WWOX: variants seen among roughly 807,000 people sequenced by gnomAD.
WWOX encodes the protein WW domain-containing oxidoreductase.
WWOX carries 69 observed loss-of-function variants against 46.2 expected under a neutral mutation model. That is an observed-to-expected ratio of 1.49 (90% confidence interval 1.23 to 1.82). The LOEUF (loss-of-function observed/expected upper bound fraction) is 1.82, where lower values mean the gene tolerates loss of function less well. Ranked by LOEUF, WWOX falls within the 40% of genes most tolerant of loss-of-function variation. The probability of loss-of-function intolerance (pLI) is 0.00; values close to 1 mark genes in which losing one functional copy is unlikely to be tolerated. For missense variants in WWOX, 919 were observed against 542.6 expected (o/e 1.69, Z -6.89); for synonymous variants, 359 against 202.6 (o/e 1.77, Z -6.56).
intron 8 of WWOX, among the ~76,000 whole-genome samples, chr16:78,658,573 TCTC>T (rs779711990): frequency 6.6e-6 from 1 of 152,176 alleles, no homozygotes; most frequent in Non-Finnish European, 1.5e-5. Flanking sequence ...GCTCCGTGCC[TCTC>T]CTCCAGCCTC....
chr16:78,183,329 C>G (rs1250206550), intron 5 of WWOX, among the ~76,000 whole-genome samples: 1 of 152,138 alleles, frequency 6.6e-6, no homozygotes, highest in East Asian at 1.9e-4. Context: ...AATATTCGGG[C>G]AAGAGCAGAT....
At chr16:78,488,761 C>G (rs1467389149) in intron 8 of WWOX, among the ~76,000 whole-genome samples, 1 of 152,154 alleles carries the variant, frequency 6.6e-6, no homozygotes, top group Non-Finnish European at 1.5e-5. Flanking sequence ...CTGACTTCAC[C>G]TTTCTGAGTC....
At chr16:78,904,370 C>G (rs2044907384) in intron 8 of WWOX, among the ~76,000 whole-genome samples, 1 of 151,136 alleles carries the variant, frequency 6.6e-6, no homozygotes, top group South Asian at 2.1e-4. Context: ...TCCTGAGTAG[C>G]TGGGACAAGA....
chr16:78,504,836 C>G (rs2085153412), intron 8 of WWOX, among the ~76,000 whole-genome samples: 2 of 152,062 alleles, frequency 1.3e-5, no homozygotes, highest in Non-Finnish European at 2.9e-5. Flanking sequence ...TAGGCAACAG[C>G]TGGATTATTT....
chr16:79,009,536 C>T (rs571359517), intron 8 of WWOX, among the ~76,000 whole-genome samples: 67 of 151,930 alleles, frequency 4.4e-4, no homozygotes, highest in Non-Finnish European at 6.9e-4. Context: ...GGTGCGATCT[C>T]GGCTCACAGT....
At chr16:78,620,385 G>C (rs189413383) in intron 8 of WWOX, among the ~76,000 whole-genome samples, 1 of 152,324 alleles carries the variant, frequency 6.6e-6, no homozygotes, top group Non-Finnish European at 1.5e-5. Context: ...TCCTCCAACA[G>C]ACTCGTGTAG....
chr16:79,193,662 G>A (rs2150813651), intron 8 of WWOX, among the ~76,000 whole-genome samples: 1 of 152,268 alleles, frequency 6.6e-6, no homozygotes. Context: ...CTTACTGCCG[G>A]TCACCTAGCC....
At chr16:78,296,968 T>G (rs2079952791) in intron 5 of WWOX, among the ~76,000 whole-genome samples, 1 of 152,210 alleles carries the variant, frequency 6.6e-6, no homozygotes, top group African/African-American at 2.4e-5. Flanking sequence ...AGAAATCTTT[T>G]GCTTATTTGC....
intron 8 of WWOX, among the ~76,000 whole-genome samples, chr16:78,770,344 C>G (rs2050033706): frequency 6.9e-6 from 1 of 145,446 alleles, no homozygotes; most frequent in African/African-American, 2.5e-5. Context: ...GAGTGAGACT[C>G]TGTCTCAAAC....
rs1342197786 is a variant in WWOX, at chr16:79,055,934, A to T, written c.1057-155674A>T. ...GAAGAGGGAAGGTCTCCCAGATGTA[A>T]ATTTCTCATAAATATTTGAGCTCCA... On this transcript the variant is annotated intron_variant, in intron 8 of 8. Transcript: ENST00000566780. 2.0e-5 allele frequency among the ~76,000 whole-genome samples: 3 copies of T among 152,168 alleles called. No homozygotes were observed. The East Asian group carries it at 5.8e-4, about 29-fold the overall frequency.
intron 5 of WWOX, among the ~76,000 whole-genome samples, chr16:78,351,296 T>A (rs1228674329): frequency 2.0e-5 from 3 of 152,236 alleles, no homozygotes; most frequent in African/African-American, 7.2e-5. Flanking sequence ...TAAATCCCTT[T>A]ACTTTTTTGT....
chr16:79,115,593 C>T (rs762217926), intron 8 of WWOX, among the ~76,000 whole-genome samples: 1 of 152,222 alleles, frequency 6.6e-6, no homozygotes, highest in Non-Finnish European at 1.5e-5. Flanking sequence ...AAGCCCAGTT[C>T]TTCTCACAAA....
At chr16:78,459,725 G>T (rs1011733851) in intron 8 of WWOX, among the ~76,000 whole-genome samples, 4 of 152,156 alleles carry the variant, frequency 2.6e-5, no homozygotes, top group African/African-American at 7.2e-5. Flanking sequence ...AATAATACCA[G>T]TGACATGTTT....
chr16:78,645,057 ATAGT>A (rs1422374229), intron 8 of WWOX, among the ~76,000 whole-genome samples: 1 of 152,206 alleles, frequency 6.6e-6, no homozygotes, highest in Non-Finnish European at 1.5e-5. Flanking sequence ...GTTGCATTGC[ATAGT>A]TAAAGTTCTT....
At chr16:78,855,651 C>A (rs888124271) in intron 8 of WWOX, among the ~76,000 whole-genome samples, 6 of 152,164 alleles carry the variant, frequency 3.9e-5, no homozygotes, top group African/African-American at 1.4e-4. Context: ...CTGTCTTCTC[C>A]CAGTTTCCAG....
In WWOX at chr16:78,349,332, G is replaced by T. The variant is rs2151905074; in HGVS notation, c.517-37528G>T. Among the ~76,000 whole-genome samples, 2 of 120,848 alleles carry T rather than the reference G, an allele frequency of 1.7e-5. 1 individual carries two copies. The highest frequency in any genetic ancestry group is 5.0e-4 in the South Asian group (2 of 4,012). The allele number at this position is 120,848 out of a possible 152,430, so 79.3% of individuals were successfully genotyped here. A position where few individuals can be genotyped will look rare whatever the true frequency, so the allele number is the denominator to read the frequency against. On this transcript the variant is annotated intron_variant, in intron 5 of 8. Transcript: ENST00000566780. ...GTACCTCCAAATACAGTCACATTCT[G>T]AGGTAGTACGGGTTAGGTCTTCAGC...
chr16:79,185,864 G>A (rs955117810), intron 8 of WWOX, among the ~76,000 whole-genome samples: 1 of 152,066 alleles, frequency 6.6e-6, no homozygotes, highest in East Asian at 1.9e-4. Context: ...CTATAAAAAA[G>A]ATAAATTTAG....
chr16:78,623,900 A>G (rs1259770741), intron 8 of WWOX, among the ~76,000 whole-genome samples: 2 of 152,188 alleles, frequency 1.3e-5, no homozygotes, highest in African/African-American at 4.8e-5. Context: ...ATAAAATATC[A>G]TCAGGAGCAG....
intron 6 of WWOX, among the ~76,000 whole-genome samples, chr16:78,399,045 G>A (rs1012391203): frequency 6.8e-6 from 1 of 147,290 alleles, no homozygotes; most frequent in African/African-American, 2.6e-5. Flanking sequence ...GATGGAACAG[G>A]TAAGTATAAG....
Sources: gnomAD v4.1 joint callset for allele counts (sites outside exome capture counted in the v4.1 genomes callset) on GRCh38, gnomAD v4.1.1 for gene constraint, MANE v1.5 for transcripts, NCBI Gene and HGNC (gene_info 2026-07-23, HGNC 2026-07-21) for gene names.